GSDMA: variants seen among roughly 807,000 people sequenced by gnomAD.
The protein encoded by GSDMA is gasdermin A, also known as gasdermin-A.
A neutral mutation model predicts 54.3 loss-of-function variants in GSDMA; 55 were observed. The observed-to-expected ratio is 1.01, with a 90% CI of 0.82 to 1.27. The LOEUF is 1.27. Among genes scored for constraint, GSDMA ranks in the 50% most tolerant of loss-of-function variants. The probability of loss-of-function intolerance (pLI) is 0.00; values close to 1 mark genes in which losing one functional copy is unlikely to be tolerated. For synonymous variants in GSDMA, 211 were observed against 224.7 expected (o/e 0.94, Z 0.54); for missense variants, 542 against 542.6 (o/e 1.00, Z 0.01).
At chr17:39,970,852 C>T (rs1490184311) in intron 4 of GSDMA, among the ~76,000 whole-genome samples, 1 of 152,118 alleles carries the variant, frequency 6.6e-6, no homozygotes, top group Non-Finnish European at 1.5e-5. Context: ...TCAGTGGCAC[C>T]CAGTGAGGGC....
chr17:39,963,913 C>T (rs1481860320), intron 1 of GSDMA, among the ~76,000 whole-genome samples: 1 of 152,128 alleles, frequency 6.6e-6, no homozygotes, highest in Non-Finnish European at 1.5e-5. Context: ...TCTCCAGGGC[C>T]CTCTCATCCT....
chr17:39,971,754 C>A, intron 5 of GSDMA, 134 bp downstream of exon 5: 1 of 667,962 alleles, frequency 1.5e-6, no homozygotes, highest in Non-Finnish European at 2.6e-6. Context: ...CGACTGCAGC[C>A]ATGGAGCCTG....
chr17:39,970,710 C>T (rs1979901590), intron 4 of GSDMA, 63 bp downstream of exon 4: 1 of 1,300,978 alleles, frequency 7.7e-7, no homozygotes, highest in African/African-American at 1.5e-5. Flanking sequence ...CACACATACA[C>T]ATTTACATTC....
In GSDMA at chr17:39,970,690, C is replaced by T. The variant is rs749350873; in HGVS notation, c.558+43C>T. The T allele has an allele frequency of 8.0e-6, 11 of 1,382,354 alleles. No homozygotes were observed. In the East Asian group the frequency reaches 2.6e-4, roughly 33 times the overall value. 85.6% of individuals were successfully genotyped at this position (1,382,354 alleles called of 1,614,324 possible). On this transcript the variant is annotated intron_variant, in intron 4 of 11. Transcript: ENST00000301659. ...ACACACACACACACACACACTCTCA[C>T]ACTCACACTCACACATACACATTTA...
chr17:39,967,634 G>C (rs1044326390), intron 3 of GSDMA, among the ~76,000 whole-genome samples: 3 of 152,174 alleles, frequency 2.0e-5, no homozygotes, highest in Non-Finnish European at 2.9e-5. Flanking sequence ...AGGGGAAGAG[G>C]AACAGGGGTT....
In GSDMA at chr17:39,976,845, G is replaced by T; in HGVS notation, c.1125G>T (p.Leu375=). The part of the protein sequence containing the change: ...LVESTMEQNF[L]LDKEGVFPLQ... ...AGAGCACGATGGAACAGAACTTCCT[G>T]CTGGATAAAGAGGGTGTTTTCCCCC... The change falls in exon 12 of 12, where the codon CTG becomes CTT. Residue 375 remains leucine, a synonymous_variant. Transcript: ENST00000301659. 1.2e-6 allele frequency: 2 copies of T among 1,613,940 alleles called. No individual in the cohort carries two copies. The highest frequency in any genetic ancestry group is 1.7e-6 in the Non-Finnish European group (2 of 1,179,882).
At chr17:39,974,790 A>G in intron 9 of GSDMA, 110 bp from the exon 10 acceptor site, 1 of 699,664 alleles carries the variant, frequency 1.4e-6, no homozygotes, top group Non-Finnish European at 2.5e-6. Flanking sequence ...CTCGAAAAAG[A>G]AATCAGGAAA....
At chr17:39,963,509 G>C (rs1460690778) in intron 1 of GSDMA, among the ~76,000 whole-genome samples, 2 of 152,146 alleles carry the variant, frequency 1.3e-5, no homozygotes, top group African/African-American at 4.8e-5. Flanking sequence ...GTGCCGATCG[G>C]CCACCCAGCC....
chr17:39,963,362 T>A (rs1292043929), intron 1 of GSDMA, among the ~76,000 whole-genome samples: 1 of 145,396 alleles, frequency 6.9e-6, no homozygotes, highest in Non-Finnish European at 1.5e-5. Context: ...AAAAAGCACC[T>A]TGAAGCTGGC....
rs1211071826 is a variant in GSDMA at position 39,974,915 on chromosome 17, G to T, written c.922G>T (p.Asp308Tyr). 1 of 1,608,364 alleles carries T rather than the reference G, an allele frequency of 6.2e-7. No homozygotes were observed. The highest frequency in any genetic ancestry group is 1.3e-5 in the African/African-American group (1 of 74,740). The change falls in exon 10 of 12, where the codon GAC (aspartate) becomes TAC (tyrosine). Residue 308 changes from aspartate (D) to tyrosine (Y), a missense_variant. Transcript: ENST00000301659. The part of the protein sequence containing the change: ...DLELALEGAL[D>Y]KGHEVTLEAL... The stretch of plus-strand genomic sequence containing the variant: ...TCCCCCACAGCTTGAAGGGGCTCTA[G>T]ACAAGGGACATGAAGTGACCCTGGA...
chr17:39,976,587 A>G (rs904549208), intron 11 of GSDMA, among the ~76,000 whole-genome samples: 1 of 151,930 alleles, frequency 6.6e-6, no homozygotes, highest in African/African-American at 2.4e-5. Flanking sequence ...CTGTGAGCAA[A>G]TTTTTTACTG....
Position 39,974,346 on chromosome 17 carries a change from C to A in GSDMA, c.825C>A (p.Ser275Arg), listed in dbSNP as rs1474816553. 5 of 1,606,974 alleles carry A rather than the reference C, an allele frequency of 3.1e-6. No homozygotes were observed. The highest frequency in any genetic ancestry group is 4.2e-6 in the Non-Finnish European group (5 of 1,176,734). The part of the protein sequence containing the change: ...QRETQQVEKL[S>R]RVGQSSLLSS... ...AGACCCAACAAGTGGAGAAGCTGAG[C>A]CGAGTAGGGCAAAGCTCCCTGCTCA... The change falls in exon 9 of 12, where the codon AGC becomes AGA. Residue 275 changes from serine to arginine, a missense_variant. Transcript: ENST00000301659.
Position 39,967,263 on chromosome 17 carries a change from C to T in GSDMA, c.392+826C>T, listed in dbSNP as rs1979711308. Among the ~76,000 whole-genome samples, 2 of 152,156 alleles carry T rather than the reference C, an allele frequency of 1.3e-5. 1 individual carries two copies. The highest frequency in any genetic ancestry group is 4.1e-4 in the South Asian group (2 of 4,828). Reference sequence around the variant, plus strand: ...GCTAAGTGCTGTAGGGATGGTTTGACTGAGTCTTGTGGCAGGTCAAAGGGA... The same window carrying T: ...GCTAAGTGCTGTAGGGATGGTTTGATTGAGTCTTGTGGCAGGTCAAAGGGA... On this transcript the variant is annotated intron_variant, in intron 3 of 11. Coordinates refer to ENST00000301659, the MANE Select transcript of GSDMA (RefSeq NM_178171.5).
At chr17:39,976,729 G>C in intron 11 of GSDMA, 87 bp from the exon 12 acceptor site, 4 of 1,540,212 alleles carry the variant, frequency 2.6e-6, no homozygotes, top group Non-Finnish European at 3.5e-6. Context: ...CTAATAAGGG[G>C]AATGTAACCT....
In GSDMA at chr17:39,968,232, G is replaced by T. The variant is rs143718492; in HGVS notation, c.392+1795G>T. Among the ~76,000 whole-genome samples the T allele has an allele frequency of 4.4e-3, 656 of 150,612 alleles. 6 individuals carry two copies. Among genetic ancestry groups the T allele is most frequent in the African/African-American group, 0.014 (577 of 40,948 alleles). On this transcript the variant is annotated intron_variant, in intron 3 of 11. Coordinates refer to ENST00000301659, the MANE Select transcript of GSDMA (RefSeq NM_178171.5). The stretch of plus-strand genomic sequence containing the variant: ...TTTTTGTATTATTAGTAGAGATGGG[G>T]TTTCACCATGTTAGTCAGGCTGGTC...
chr17:39,975,240 A>G (rs1980151287), intron 10 of GSDMA, among the ~76,000 whole-genome samples: 1 of 152,132 alleles, frequency 6.6e-6, no homozygotes, highest in African/African-American at 2.4e-5. Flanking sequence ...CCCGTGATCA[A>G]GAGTTCGAGA....
intron 4 of GSDMA, 138 bp downstream of exon 4, chr17:39,970,785 C>A: frequency 1.7e-6 from 1 of 590,392 alleles, no homozygotes; most frequent in Non-Finnish European, 2.4e-6. Flanking sequence ...CTGAAAAGGG[C>A]CACTCCTTCC....
At chr17:39,975,842 G>A in intron 10 of GSDMA, 82 bp from the exon 11 acceptor site, 1 of 1,038,862 alleles carries the variant, frequency 9.6e-7, no homozygotes, top group South Asian at 1.4e-5. Flanking sequence ...AATGAAGGCT[G>A]AAATTCTGGA....
At chr17:39,972,103 C>T in intron 5 of GSDMA, 26 bp from the exon 6 acceptor site, 1 of 728,558 alleles carries the variant, frequency 1.4e-6, no homozygotes, top group Non-Finnish European at 2.4e-6. Flanking sequence ...AGTGTCCTCC[C>T]ACCCTCCCTC....
Sources: allele counts gnomAD v4.1 joint callset (sites outside exome capture counted in the v4.1 genomes callset), GRCh38; gene constraint gnomAD v4.1.1; transcripts MANE v1.5; gene names NCBI Gene and HGNC (gene_info 2026-07-23, HGNC 2026-07-21).